The following EXT1 variants were observed in gnomAD, a reference collection of about 807,000 sequenced individuals.
EXT1 encodes exostosin glycosyltransferase 1, also known as exostosin-1.
In EXT1, 20 loss-of-function variants were observed where a neutral mutation model predicts 82.5. The observed-to-expected ratio is 0.24, with a 90% CI of 0.17 to 0.35. The LOEUF (loss-of-function observed/expected upper bound fraction) is 0.35, where lower values mean the gene tolerates loss of function less well. Ranked by LOEUF, EXT1 falls within the 10% of genes least tolerant of loss-of-function variation. EXT1 has a pLI of 1.00. For synonymous variants in EXT1, 348 were observed against 350.8 expected, an observed-to-expected ratio of 0.99 and a Z score of 0.09; for missense variants, 757 against 936.5, an observed-to-expected ratio of 0.81 and a Z score of 2.50.
intron 1 of EXT1, among the ~76,000 whole-genome samples, chr8:117,997,382 G>C (rs115080895): frequency 0.027 from 4,103 of 150,864 alleles, 197 homozygotes; most frequent in African/African-American, 0.09. Context: ...TGACCAACTT[G>C]GATATGTTGA....
chr8:117,830,781 T>C (rs754084938), intron 3 of EXT1, among the ~76,000 whole-genome samples: 3 of 152,212 alleles, frequency 2.0e-5, no homozygotes, highest in Non-Finnish European at 4.4e-5. Flanking sequence ...AAAATATCTA[T>C]AAAAGGACTT....
intron 1 of EXT1, among the ~76,000 whole-genome samples, chr8:117,982,362 T>C (rs900343037): frequency 6.6e-6 from 1 of 152,240 alleles, no homozygotes; most frequent in Non-Finnish European, 1.5e-5. Flanking sequence ...TCAAAGAAGA[T>C]GCTTCCTCAT....
intron 1 of EXT1, among the ~76,000 whole-genome samples, chr8:117,858,844 G>GGAAGGAAGGAAGGAAC (rs1812627618): frequency 2.3e-5 from 2 of 85,290 alleles, no homozygotes; most frequent in African/African-American, 1.1e-4. Context: ...AAGGAAGGAA[G>GGAAGGAAGGAAGGAAC]GAAAGAAAGA....
At chr8:117,909,900 T>A (rs1224419570) in intron 1 of EXT1, among the ~76,000 whole-genome samples, 3 of 152,184 alleles carry the variant, frequency 2.0e-5, no homozygotes, top group Non-Finnish European at 4.4e-5. Flanking sequence ...CCCAAGTAGC[T>A]GGGATTACTG....
chr8:118,026,977 G>A (rs1025350254), intron 1 of EXT1, among the ~76,000 whole-genome samples: 3 of 152,190 alleles, frequency 2.0e-5, no homozygotes, highest in Admixed American at 2.0e-4. Flanking sequence ...TCAGTGGCAT[G>A]TGCCTGTAGT....
chr8:118,032,374 C>T (rs1816341579), intron 1 of EXT1, among the ~76,000 whole-genome samples: 1 of 151,796 alleles, frequency 6.6e-6, no homozygotes, highest in African/African-American at 2.4e-5. Flanking sequence ...GATTCCGAGG[C>T]ATTTGAGAAC....
chr8:117,988,342 G>C (rs1815362753), intron 1 of EXT1, among the ~76,000 whole-genome samples: 1 of 152,122 alleles, frequency 6.6e-6, no homozygotes, highest in Non-Finnish European at 1.5e-5. Context: ...TCAAAATTTA[G>C]AGCACACAAG....
chr8:117,822,536 G>A lies in EXT1; in HGVS notation c.1346C>T (p.Pro449Leu), dbSNP rs1484937234. 2 of 1,613,332 alleles carry A rather than the reference G, an allele frequency of 1.2e-6. No homozygotes were observed. The highest frequency in any genetic ancestry group is 2.7e-5 in the African/African-American group (2 of 74,904). ...SRNSLIWNKH[P>L]GGLFVLPQYS... The stretch of plus-strand genomic sequence containing the variant: ...CTGTGGTAGTACGAACAATCCTCCA[G>A]GATGTTTGTTCCATATTAAACTGTT... The change falls in exon 5 of 11, where the codon CCT becomes CTT. Residue 449 changes from proline (P) to leucine (L), a missense_variant. Pro to Leu is a moderately conservative substitution (Grantham distance 98). Transcript: ENST00000378204.
At chr8:118,058,168 T>C (rs944848911) in intron 1 of EXT1, among the ~76,000 whole-genome samples, 33 of 151,838 alleles carry the variant, frequency 2.2e-4, no homozygotes, top group African/African-American at 7.0e-4. Flanking sequence ...CACACACAAA[T>C]AACCTAAGGA....
At chr8:117,909,384 G>A (rs1367371083) in intron 1 of EXT1, among the ~76,000 whole-genome samples, 1 of 152,150 alleles carries the variant, frequency 6.6e-6, no homozygotes, top group East Asian at 1.9e-4. Flanking sequence ...AGATCAAATA[G>A]TATGTAATAA....
rs745952207 is a variant in EXT1 at position 117,964,611 on chromosome 8, C to CTG, written c.963-127412_963-127411dup. On this transcript the variant is annotated intron_variant, in intron 1 of 10. Coordinates refer to ENST00000378204, the MANE Select transcript of EXT1 (RefSeq NM_000127.3). ...AGAGAAATTTTTGTGGGTTTTATGTCTGTGTGTGTGTGTGTTTGTTTGTTT... is the reference window on the plus strand; with the variant it reads ...AGAGAAATTTTTGTGGGTTTTATGTCTGTGTGTGTGTGTGTGTTTGTTTGTTT... Among the ~76,000 whole-genome samples, 1,119 of 150,374 alleles carry CTG rather than the reference C, an allele frequency of 7.4e-3. 13 individuals carry two copies. Among genetic ancestry groups the CTG allele is most frequent in the African/African-American group, 0.025 (1,018 of 40,504 alleles).
At chr8:117,880,223 T>G (rs1188738178) in intron 1 of EXT1, among the ~76,000 whole-genome samples, 1 of 151,170 alleles carries the variant, frequency 6.6e-6, no homozygotes, top group East Asian at 1.9e-4. Context: ...AGTTCTAGAT[T>G]CATTTGCTTC....
At chr8:118,029,113 A>G (rs1816257183) in intron 1 of EXT1, among the ~76,000 whole-genome samples, 1 of 151,998 alleles carries the variant, frequency 6.6e-6, no homozygotes. Context: ...TTGTACAGAG[A>G]TACATTTGTA....
At chr8:118,001,000 C>T (rs541662103) in intron 1 of EXT1, among the ~76,000 whole-genome samples, 5 of 152,146 alleles carry the variant, frequency 3.3e-5, no homozygotes, top group South Asian at 4.1e-4. Flanking sequence ...TTTCTTCATT[C>T]GATAATAAAA....
At position 118,007,224 on chromosome 8, in the gene EXT1, G is replaced by C. The variant is rs539213258; in HGVS notation, c.962+102861C>G. On this transcript the variant is annotated intron_variant, in intron 1 of 10. Transcript: ENST00000378204. ...AGGCAGGAGAACGGCGTGAACCCAG[G>C]AGGCGGAGCTTGCAGTGAGCTGAGA... Among the ~76,000 whole-genome samples, 14 of 152,210 alleles carry C rather than the reference G, an allele frequency of 9.2e-5. No homozygotes were observed. In the South Asian group the frequency reaches 2.9e-3, roughly 32 times the overall value.
At chr8:118,055,011 G>A (rs188255981) in intron 1 of EXT1, among the ~76,000 whole-genome samples, 7 of 151,838 alleles carry the variant, frequency 4.6e-5, no homozygotes, top group South Asian at 2.1e-4. Flanking sequence ...ATTGATATGC[G>A]ATAAATTGCA....
chr8:117,801,293 G>A (rs1270607172), intron 10 of EXT1, among the ~76,000 whole-genome samples: 2 of 152,174 alleles, frequency 1.3e-5, no homozygotes, highest in Non-Finnish European at 2.9e-5. Context: ...TTTTATAGCT[G>A]AGGAAGCAAG....
chr8:118,106,311 A>T (rs1232789367), intron 1 of EXT1, among the ~76,000 whole-genome samples: 1 of 152,194 alleles, frequency 6.6e-6, no homozygotes, highest in African/African-American at 2.4e-5. Flanking sequence ...TGAGAATAGA[A>T]ATGAAAGACT....
chr8:117,938,234 G>A (rs1006857895), intron 1 of EXT1, among the ~76,000 whole-genome samples: 3 of 152,134 alleles, frequency 2.0e-5, no homozygotes, highest in African/African-American at 7.2e-5. Context: ...GGCTGAAGCA[G>A]GAGGATTATT....
Sources: allele counts gnomAD v4.1 joint callset (sites outside exome capture counted in the v4.1 genomes callset), GRCh38; gene constraint gnomAD v4.1.1; transcripts MANE v1.5; gene names NCBI Gene and HGNC (gene_info 2026-07-23, HGNC 2026-07-21).